Variants in JMJD1C observed in about 807,000 individuals in gnomAD.
The protein encoded by JMJD1C is jumonji domain-containing protein 1C.
JMJD1C carries 31 observed loss-of-function variants against 245.3 expected under a neutral mutation model. The observed-to-expected ratio is 0.13, with a 90% CI of 0.09 to 0.17. JMJD1C has a LOEUF of 0.17. JMJD1C is among the 10% of genes least tolerant of loss of function. The pLI is 1.00. For missense variants in JMJD1C, 2,691 were observed against 3,000.2 expected (o/e 0.90, Z 2.41); for synonymous variants, 1,057 against 1,017.4 (o/e 1.04, Z -0.74).
intron 2 of JMJD1C, among the ~76,000 whole-genome samples, chr10:63,305,109 C>G (rs1197854957): frequency 2.6e-5 from 4 of 151,864 alleles, no homozygotes; most frequent in African/African-American, 9.7e-5. Flanking sequence ...TGGCTCACAC[C>G]TGTAATCCCA....
chr10:63,265,410 A>G (rs1855441224), intron 2 of JMJD1C, among the ~76,000 whole-genome samples: 1 of 152,096 alleles, frequency 6.6e-6, no homozygotes, highest in Admixed American at 6.6e-5. Context: ...ACTTCTTTTA[A>G]AAAAAGTCAA....
At chr10:63,252,456 T>A (rs1853223782) in intron 3 of JMJD1C, among the ~76,000 whole-genome samples, 2 of 152,218 alleles carry the variant, frequency 1.3e-5, no homozygotes, top group Non-Finnish European at 2.9e-5. Flanking sequence ...AAAAATGGAT[T>A]CTGCCTTCAT....
intron 1 of JMJD1C, among the ~76,000 whole-genome samples, chr10:63,478,547 CATT>C (rs1453221323): frequency 1.3e-5 from 2 of 152,188 alleles, no homozygotes; most frequent in East Asian, 3.8e-4. Flanking sequence ...TCAAAAGAAA[CATT>C]ATACTTTTGC....
chr10:63,219,990 T>G lies in JMJD1C; in HGVS notation c.448-7A>C. 1 of 1,601,118 alleles carries G rather than the reference T, an allele frequency of 6.2e-7. No homozygotes were observed. The highest frequency in any genetic ancestry group is 8.6e-7 in the Non-Finnish European group (1 of 1,169,586). On this transcript the variant is annotated splice_polypyrimidine_tract_variant and splice_region_variant and intron_variant, in intron 3 of 25. Transcript: ENST00000399262. ...TTAGGCTGTCTATGTCGTCCTAGAA[T>G]TATAGATTAAAAGAAAGGTCCATGT...
At chr10:63,277,731 C>CTTTTTTTGTTTTTTTTTTTTTTTTTTTT (rs1856945263) in intron 2 of JMJD1C, among the ~76,000 whole-genome samples, 1 of 64,262 alleles carries the variant, frequency 1.6e-5, no homozygotes, top group Non-Finnish European at 2.6e-5. Context: ...ATTTGCATTT[C>CTTTTTTTGTTTTTTTTTTTTTTTTTTTT]TTTTTTTTTT....
At chr10:63,397,031 T>C (rs977562451) in intron 1 of JMJD1C, among the ~76,000 whole-genome samples, 1 of 146,034 alleles carries the variant, frequency 6.8e-6, no homozygotes, top group Non-Finnish European at 1.6e-5. Context: ...ACTATTTACA[T>C]GTATATATTT....
At chr10:63,488,652 GAAAAT>G (rs1954073380) in intron 1 of JMJD1C, among the ~76,000 whole-genome samples, 1 of 152,054 alleles carries the variant, frequency 6.6e-6, no homozygotes, top group Non-Finnish European at 1.5e-5. Flanking sequence ...GCAATAAAGA[GAAAAT>G]AAAAATAGTG....
chr10:63,199,730 G>T (rs1356385272), intron 11 of JMJD1C, among the ~76,000 whole-genome samples: 1 of 152,074 alleles, frequency 6.6e-6, no homozygotes, highest in African/African-American at 2.4e-5. Flanking sequence ...TACAAAGTGA[G>T]GAAGAAAGAG....
At chr10:63,252,420 A>G (rs990000822) in intron 3 of JMJD1C, among the ~76,000 whole-genome samples, 1 of 152,270 alleles carries the variant, frequency 6.6e-6, no homozygotes, top group Middle Eastern at 3.4e-3. Flanking sequence ...GAAGGCCTTA[A>G]GAAAAAAGAC....
intron 2 of JMJD1C, among the ~76,000 whole-genome samples, chr10:63,270,434 A>T (rs1589348267): frequency 6.7e-6 from 1 of 149,620 alleles, no homozygotes; most frequent in African/African-American, 2.5e-5. Context: ...CTCCCAAAGT[A>T]CTGGGATTAC....
Position 63,204,584 on chromosome 10 carries a change from C to G in JMJD1C, c.5074+2011G>C, listed in dbSNP as rs556033356. On this transcript the variant is annotated intron_variant, in intron 10 of 25. Transcript: ENST00000399262. ...ACAGAAGAGAAACAATTAAATTGCT[C>G]ACACTAAGCCTATTATGAATTCATG... 1.3e-5 allele frequency: 13 copies of G among 985,368 alleles called. No individual in the cohort carries two copies. The African/African-American group carries it at 2.3e-4, about 17-fold the overall frequency. 61.0% of individuals were successfully genotyped at this position (985,368 alleles called of 1,614,324 possible).
intron 3 of JMJD1C, 24 bp downstream of exon 3, chr10:63,264,627 A>G (rs773488639): frequency 3.9e-6 from 4 of 1,028,322 alleles, no homozygotes; most frequent in Non-Finnish European, 5.8e-6. Flanking sequence ...CTTTAATTTT[A>G]AAAAGTAATC....
rs567890892 is a variant in JMJD1C, at chr10:63,490,990, C to T, written n.113+30748G>A. Reference sequence around the variant, plus strand: ...TAGATAGCTCATTTAATCCATGCAACAACTCTATGTGCTAAGTACTAGTTT... The same window carrying T: ...TAGATAGCTCATTTAATCCATGCAATAACTCTATGTGCTAAGTACTAGTTT... On this transcript the variant is annotated intron_variant and non_coding_transcript_variant, in intron 1 of 3. Coordinates refer to the JMJD1C transcript ENST00000633035. Among the ~76,000 whole-genome samples, 4 of 152,302 alleles carry T rather than the reference C, an allele frequency of 2.6e-5. No homozygotes were observed. The East Asian group carries it at 7.7e-4, about 29-fold the overall frequency.
At chr10:63,472,931 A>T (rs1953539028) in intron 1 of JMJD1C, among the ~76,000 whole-genome samples, 1 of 150,192 alleles carries the variant, frequency 6.7e-6, no homozygotes. Flanking sequence ...ACTACAGGCG[A>T]GCGCCACCAC....
intron 3 of JMJD1C, among the ~76,000 whole-genome samples, chr10:63,237,350 A>AAAG (rs1237356677): frequency 6.6e-6 from 1 of 151,740 alleles, no homozygotes; most frequent in Non-Finnish European, 1.5e-5. Flanking sequence ...ACACTCACTA[A>AAAG]AAATTTTTTT....
Position 63,208,690 on chromosome 10 carries a change from A to C in JMJD1C, c.2979T>G (p.His993Gln), listed in dbSNP as rs1372562048. Reference sequence around the variant, plus strand: ...TTAATACTGGATCCACAAAATGCCTATGTAAGTGACAATCTTTTCCAGTCT... The same window carrying C: ...TTAATACTGGATCCACAAAATGCCTCTGTAAGTGACAATCTTTTCCAGTCT... ...RSQTGKDCHL[H>Q]RHFVDPVLNQ... is the part of the protein sequence containing the mutation. Residue 993 changes from histidine to glutamine, a missense_variant, in exon 10 of 26, where the codon CAT becomes CAG. Around this residue, in one of 9 missense-constraint regions of JMJD1C, gnomAD observed 1,562 missense variants for 1,490.7 expected, o/e 1.05. Coordinates refer to ENST00000399262, the MANE Select transcript of JMJD1C (RefSeq NM_032776.3). 1.2e-6 allele frequency: 2 copies of C among 1,613,964 alleles called. 1 individual carries two copies. The highest frequency in any genetic ancestry group is 2.7e-5 in the African/African-American group (2 of 74,932).
intron 3 of JMJD1C, among the ~76,000 whole-genome samples, chr10:63,242,981 T>G (rs186030028): frequency 1.3e-5 from 2 of 151,472 alleles, no homozygotes; most frequent in African/African-American, 4.8e-5. Context: ...GCATTTCAGA[T>G]AGTAAGCAAC....
chr10:63,331,610 T>G (rs1942156160), intron 2 of JMJD1C, among the ~76,000 whole-genome samples: 1 of 152,188 alleles, frequency 6.6e-6, no homozygotes, highest in Admixed American at 6.5e-5. Context: ...AGTTCAACAC[T>G]TCAATAAATA....
intron 3 of JMJD1C, among the ~76,000 whole-genome samples, chr10:63,263,281 G>A (rs527253868): frequency 1.4e-4 from 22 of 152,270 alleles, no homozygotes; most frequent in Non-Finnish European, 2.2e-4. Flanking sequence ...AAAGACAAGA[G>A]CACATCTATA....
Sources: allele counts gnomAD v4.1 joint callset (sites outside exome capture counted in the v4.1 genomes callset), GRCh38; gene constraint gnomAD v4.1.1; regional missense constraint gnomAD v4.1.1; transcripts MANE v1.5; gene names NCBI Gene and HGNC (gene_info 2026-07-23, HGNC 2026-07-21).